Variants in SERPINE2 observed in about 807,000 individuals in gnomAD.
SERPINE2 encodes the protein glia-derived nexin.
SERPINE2 carries 14 observed loss-of-function variants against 36.3 expected under a neutral mutation model. That is an observed-to-expected ratio of 0.39 (90% CI 0.25 to 0.60). The LOEUF (loss-of-function observed/expected upper bound fraction) is 0.60, where lower values mean the gene tolerates loss of function less well. Among genes scored for constraint, SERPINE2 ranks in the 20% least tolerant of loss-of-function variants. The probability of loss-of-function intolerance (pLI) is 0.57; values close to 1 mark genes in which losing one functional copy is unlikely to be tolerated. For synonymous variants in SERPINE2, 192 were observed against 191.8 expected, an observed-to-expected ratio of 1.00 and a Z score of -0.01; for missense variants, 418 against 499.6, an observed-to-expected ratio of 0.84 and a Z score of 1.56.
chr2:224,026,245 G>A (rs936286875), intron 1 of SERPINE2, among the ~76,000 whole-genome samples: 1 of 152,032 alleles, frequency 6.6e-6, no homozygotes, highest in African/African-American at 2.4e-5. Context: ...TTATACAAGT[G>A]GAAAATAATC....
At chr2:224,024,797 T>C (rs1692130155) in intron 1 of SERPINE2, among the ~76,000 whole-genome samples, 1 of 152,212 alleles carries the variant, frequency 6.6e-6, no homozygotes, top group African/African-American at 2.4e-5. Flanking sequence ...GAACAGGGAC[T>C]TCTAGAATTA....
intron 7 of SERPINE2, chr2:223,978,776 T>C (rs1318582650): frequency 1.3e-5 from 2 of 152,206 alleles, no homozygotes; most frequent in African/African-American, 4.8e-5. Context: ...AAATATTAAA[T>C]AGCAGGTGTT....
intron 3 of SERPINE2, 46 bp downstream of exon 3, chr2:223,998,068 CT>C: frequency 6.8e-7 from 1 of 1,478,776 alleles, no homozygotes; most frequent in Non-Finnish European, 9.5e-7. Context: ...CTAACTCATG[CT>C]TCATTCACAA....
At chr2:224,011,285 T>G (rs2106179540) in intron 1 of SERPINE2, among the ~76,000 whole-genome samples, 1 of 152,284 alleles carries the variant, frequency 6.6e-6, no homozygotes. Flanking sequence ...AACAAGGAAG[T>G]ACCTTTTTAA....
At chr2:224,001,499 G>A (rs988639826) in intron 2 of SERPINE2, 143 bp downstream of exon 2, 5 of 835,974 alleles carry the variant, frequency 6.0e-6, no homozygotes, top group Non-Finnish European at 8.9e-6. Context: ...AGAAGAGACT[G>A]ACCCCAAGCC....
At chr2:224,031,638 A>C (rs1040430357) in intron 1 of SERPINE2, among the ~76,000 whole-genome samples, 8 of 151,892 alleles carry the variant, frequency 5.3e-5, no homozygotes, top group Non-Finnish European at 1.0e-4. Flanking sequence ...GCATGTGACC[A>C]TGTGACTTAG....
chr2:224,033,030 T>C (rs1340214161), intron 1 of SERPINE2, among the ~76,000 whole-genome samples: 17 of 152,232 alleles, frequency 1.1e-4, no homozygotes, highest in Non-Finnish European at 5.9e-5. Context: ...TACTAATCTC[T>C]CAGTATTCTT....
chr2:224,028,326 C>T (rs79570035), intron 1 of SERPINE2, among the ~76,000 whole-genome samples: 2 of 152,208 alleles, frequency 1.3e-5, no homozygotes, highest in Non-Finnish European at 2.9e-5. Context: ...TCATCATTCT[C>T]TATTCTCTAG....
At chr2:224,032,765 A>C (rs549605357) in intron 1 of SERPINE2, among the ~76,000 whole-genome samples, 2 of 152,306 alleles carry the variant, frequency 1.3e-5, no homozygotes, top group South Asian at 4.1e-4. Flanking sequence ...TAGGGTGTCC[A>C]CCCCAACCTT....
In SERPINE2 at chr2:224,001,809, C is replaced by A; in HGVS notation, c.92G>T (p.Gly31Val). Residue 31 changes from glycine to valine, a missense_variant, in exon 2 of 9, where the codon GGC becomes GTC. Gly to Val is a moderately radical substitution (Grantham distance 109). Transcript: ENST00000409304. ...GAAAACCTGGATCCCCGTGTTGGAG[C>A]CTAGTTCCTCGAGAGACAGAGGATT... ...HFNPLSLEEL[G>V]SNTGIQVFNQ... The A allele has an allele frequency of 1.9e-6, 3 of 1,614,086 alleles. No individual in the cohort carries two copies. Among genetic ancestry groups the A allele is most frequent in the Non-Finnish European group, 2.5e-6 (3 of 1,180,034 alleles).
rs771586525 is a variant in SERPINE2, at chr2:223,998,187, G to A, written c.415C>T (p.Arg139Trp). 2.4e-5 allele frequency: 39 copies of A among 1,614,034 alleles called. No homozygotes were observed. The South Asian group carries it at 2.5e-4, about 10-fold the overall frequency. ...RNKDVFQCEVRNVNFEDPASA... is the reference protein window; with the variant it reads ...RNKDVFQCEVWNVNFEDPASA... ...GCTGGATCCTCAAAGTTCACATTCC[G>A]GACCTCACACTGGAACACATCTTTG... The change falls in exon 3 of 9, where the codon CGG becomes TGG. Residue 139 changes from arginine (R) to tryptophan (W), a missense_variant. Physicochemically the swap from Arg to Trp is moderately radical, Grantham distance 101 (BLOSUM62 -3). Transcript: ENST00000409304.
chr2:224,012,871 G>A (rs1691679080), intron 1 of SERPINE2, among the ~76,000 whole-genome samples: 1 of 152,104 alleles, frequency 6.6e-6, no homozygotes. Flanking sequence ...TAAACCAAAG[G>A]ATCATAAAAC....
chr2:223,990,838 C>T (rs955064508), intron 4 of SERPINE2, among the ~76,000 whole-genome samples: 2 of 152,124 alleles, frequency 1.3e-5, no homozygotes, highest in South Asian at 2.1e-4. Flanking sequence ...ATTAGCTGGC[C>T]GTGGTGGTGC....
In SERPINE2 at chr2:224,001,822, G is replaced by A; in HGVS notation, c.79C>T (p.Leu27Phe). 1 of 1,614,136 alleles carries A rather than the reference G, an allele frequency of 6.2e-7. No individual in the cohort carries two copies. The highest frequency in any genetic ancestry group is 1.1e-5 in the South Asian group (1 of 91,080). ...CCCGTGTTGGAGCCTAGTTCCTCGA[G>A]AGACAGAGGATTGAAGTGGGAGCAG... ...SICSHFNPLSLEELGSNTGIQ... is the reference protein window; with the variant it reads ...SICSHFNPLSFEELGSNTGIQ... Residue 27 changes from leucine (L) to phenylalanine (F), a missense_variant, in exon 2 of 9, where the codon CTC becomes TTC. Physicochemically the swap from Leu to Phe is conservative, Grantham distance 22. Coordinates refer to ENST00000409304, the MANE Select transcript of SERPINE2 (RefSeq NM_001136528.2).
chr2:224,019,827 C>T (rs1440146353), intron 1 of SERPINE2, among the ~76,000 whole-genome samples: 4 of 148,154 alleles, frequency 2.7e-5, no homozygotes, highest in South Asian at 4.3e-4. Context: ...TCACTCTTGC[C>T]ATGTGGGTCT....
chr2:224,015,383 C>T (rs1691767874), intron 1 of SERPINE2, among the ~76,000 whole-genome samples: 2 of 152,138 alleles, frequency 1.3e-5, no homozygotes, highest in South Asian at 4.1e-4. Flanking sequence ...CATGGGCAGA[C>T]ATTGGAGGAT....
chr2:223,997,678 C>G (rs144445489), intron 3 of SERPINE2, among the ~76,000 whole-genome samples: 3 of 152,128 alleles, frequency 2.0e-5, no homozygotes, highest in Admixed American at 1.3e-4. Context: ...CAACAGGGTA[C>G]CTATGTCTTT....
rs144411014 is a variant in SERPINE2, at chr2:223,984,786, T to C, written c.850A>G (p.Met284Val). Residue 284 changes from methionine (M) to valine (V), a missense_variant, in exon 5 of 9, where the codon ATG (methionine) becomes GTG (valine). Coordinates refer to ENST00000409304, the MANE Select transcript of SERPINE2 (RefSeq NM_001136528.2). The stretch of plus-strand genomic sequence containing the variant: ...ATCACCTGCACCCTCTTGGGCACCA[T>C]GATGCTCATCCAGCTGTCTATGGTC... ...TKTIDSWMSI[M>V]VPKRVQVILP... 17 of 1,613,290 alleles carry C rather than the reference T, an allele frequency of 1.1e-5. No homozygotes were observed. Among genetic ancestry groups the C allele is most frequent in the Admixed American group, 5.0e-5 (3 of 59,988 alleles).
chr2:223,995,890 T>C (rs1193843937), intron 3 of SERPINE2, among the ~76,000 whole-genome samples: 3 of 152,236 alleles, frequency 2.0e-5, no homozygotes, highest in African/African-American at 4.8e-5. Context: ...TTGAGTGTAG[T>C]TGTACCCAAG....
Sources: gnomAD v4.1 joint callset for allele counts (sites outside exome capture counted in the v4.1 genomes callset) on GRCh38, gnomAD v4.1.1 for gene constraint, MANE v1.5 for transcripts, NCBI Gene and HGNC (gene_info 2026-07-23, HGNC 2026-07-21) for gene names.